The following PTPRT variants were observed in gnomAD, a reference collection of about 807,000 sequenced individuals.
PTPRT encodes the protein receptor-type tyrosine-protein phosphatase T.
PTPRT carries 56 observed loss-of-function variants against 176.8 expected under a neutral mutation model. That is an observed-to-expected ratio of 0.32 (90% CI 0.26 to 0.40). The LOEUF is 0.40. Ranked by LOEUF, PTPRT falls within the 10% of genes least tolerant of loss-of-function variation. The pLI is 1.00. For synonymous variants in PTPRT, 783 were observed against 739.0 expected (o/e 1.06, Z -0.96); for missense variants, 1,540 against 1,908.2 (o/e 0.81, Z 3.60).
intron 13 of PTPRT, among the ~76,000 whole-genome samples, chr20:42,279,891 G>A (rs975321481): frequency 6.6e-6 from 1 of 152,132 alleles, no homozygotes; most frequent in African/African-American, 2.4e-5. Context: ...TTCATCACCA[G>A]AGTACTGGCC....
At chr20:42,515,072 A>G (rs2072035660) in intron 7 of PTPRT, among the ~76,000 whole-genome samples, 1 of 152,188 alleles carries the variant, frequency 6.6e-6, no homozygotes, top group Non-Finnish European at 1.5e-5. Context: ...GGATCTATAG[A>G]TTAGCTTGAG....
At chr20:42,797,913 C>T (rs4812651) in intron 2 of PTPRT, among the ~76,000 whole-genome samples, 61,638 of 152,010 alleles carry the variant, frequency 0.41, 14,367 homozygotes, top group East Asian at 0.53. Context: ...AAACTCTACC[C>T]TAGAGCCTCC....
intron 7 of PTPRT, among the ~76,000 whole-genome samples, chr20:42,598,941 G>A (rs1055846676): frequency 6.6e-6 from 1 of 152,178 alleles, no homozygotes. Flanking sequence ...GAATGAAGAA[G>A]ATACTGGCAG....
Position 42,945,461 on chromosome 20 carries a change from C to A in PTPRT, c.89-59529G>T, listed in dbSNP as rs542926936. ...TGCTGTTTCTCCCGGGACTAATCTG[C>A]CATGAAGCAGATGCAAAGCTTCATT... On this transcript the variant is annotated intron_variant, in intron 1 of 30. Transcript: ENST00000373187. Among the ~76,000 whole-genome samples, 5 of 152,318 alleles carry A rather than the reference C, an allele frequency of 3.3e-5. No individual in the cohort carries two copies. The South Asian group carries it at 8.3e-4, about 25-fold the overall frequency.
At chr20:42,298,349 G>A (rs1319678477) in intron 12 of PTPRT, among the ~76,000 whole-genome samples, 1 of 152,154 alleles carries the variant, frequency 6.6e-6, no homozygotes, top group East Asian at 1.9e-4. Flanking sequence ...CACACAAACT[G>A]TTTACAAGGC....
rs999329337 is a variant in PTPRT at position 43,101,321 on chromosome 20, T to C, written c.88+88325A>G. ...ACAATAGCAAGCTCTTGATCACTTT[T>C]AGCTCACACGCTGGGAATCAGCATA... On this transcript the variant is annotated intron_variant, in intron 1 of 30. Coordinates refer to ENST00000373187, the MANE Select transcript of PTPRT (RefSeq NM_007050.6). 2.6e-5 allele frequency among the ~76,000 whole-genome samples: 4 copies of C among 152,128 alleles called. No homozygotes were observed. The East Asian group carries it at 7.7e-4, about 29-fold the overall frequency.
chr20:42,934,207 G>A (rs1177062226), intron 1 of PTPRT, among the ~76,000 whole-genome samples: 1 of 152,178 alleles, frequency 6.6e-6, no homozygotes, highest in Non-Finnish European at 1.5e-5. Context: ...GTGTCAAATT[G>A]CAGTGCCATG....
chr20:42,148,382 A>G (rs1202291160), intron 17 of PTPRT, among the ~76,000 whole-genome samples: 1 of 151,904 alleles, frequency 6.6e-6, no homozygotes, highest in African/African-American at 2.4e-5. Flanking sequence ...TCTTTTGAGA[A>G]AATTATTGAC....
At chr20:42,902,277 G>C (rs985758609) in intron 1 of PTPRT, among the ~76,000 whole-genome samples, 1 of 152,154 alleles carries the variant, frequency 6.6e-6, no homozygotes, top group Admixed American at 6.5e-5. Flanking sequence ...GCCTCCCCCA[G>C]CAAGTTCCAC....
intron 1 of PTPRT, among the ~76,000 whole-genome samples, chr20:43,013,855 C>A (rs1312889097): frequency 6.6e-6 from 1 of 152,166 alleles, no homozygotes; most frequent in African/African-American, 2.4e-5. Flanking sequence ...TCTTCAATGG[C>A]TTTGTGATCT....
At chr20:42,044,922 CT>C in the PTPRT span, among the ~76,000 whole-genome samples, 1 of 152,204 alleles carries the variant, frequency 6.6e-6, no homozygotes, top group Non-Finnish European at 1.5e-5. Flanking sequence ...CTTTTTCCCA[CT>C]TCTAAAGGCC....
chr20:42,706,771 G>T lies in PTPRT; in HGVS notation c.860-28612C>A, dbSNP rs192638346. On this transcript the variant is annotated intron_variant, in intron 6 of 30. Transcript: ENST00000373187. ...CCTAAAAATACAATTACAGCATATT[G>T]TCATATAATTGTGTCCACCCAAAAG... Among the ~76,000 whole-genome samples the T allele has an allele frequency of 1.6e-3, 240 of 152,230 alleles. 1 individual carries two copies. Among genetic ancestry groups the T allele is most frequent in the African/African-American group, 5.4e-3 (226 of 41,536 alleles).
chr20:42,335,251 A>G (rs1041502528), intron 11 of PTPRT, among the ~76,000 whole-genome samples: 9 of 152,184 alleles, frequency 5.9e-5, no homozygotes, highest in African/African-American at 1.4e-4. Flanking sequence ...ATGGAGAGCT[A>G]TGTGTCTGCC....
At chr20:43,163,374 C>A (rs6016970) in intron 1 of PTPRT, among the ~76,000 whole-genome samples, 1 of 152,206 alleles carries the variant, frequency 6.6e-6, no homozygotes, top group Admixed American at 6.5e-5. Flanking sequence ...CGCGGTGGCT[C>A]GTGACTGTAA....
intron 21 of PTPRT, among the ~76,000 whole-genome samples, 196 bp downstream of exon 21, chr20:42,118,207 G>A (rs1190096204): frequency 6.6e-5 from 10 of 152,190 alleles, no homozygotes; most frequent in Admixed American, 6.5e-4. Flanking sequence ...GAGTGAGGGT[G>A]TAAAAAGGGA....
rs1048087409 is a variant in PTPRT at position 42,615,283 on chromosome 20, T to G, written c.1153+62583A>C. ...ACACGAACTCATCATTTTTTATGGC[T>G]GCATAGTATTCCATGGTGTATATGT... On this transcript the variant is annotated intron_variant, in intron 7 of 30. Coordinates refer to ENST00000373187, the MANE Select transcript of PTPRT (RefSeq NM_007050.6). 3.1e-4 allele frequency among the ~76,000 whole-genome samples: 42 copies of G among 137,506 alleles called. 4 individuals carry two copies. In the South Asian group the frequency reaches 7.2e-3, roughly 24 times the overall value. 90.2% of individuals were successfully genotyped at this position (137,506 alleles called of 152,430 possible).
intron 7 of PTPRT, among the ~76,000 whole-genome samples, chr20:42,632,501 G>C (rs1189351551): frequency 6.6e-6 from 1 of 151,996 alleles, no homozygotes; most frequent in Non-Finnish European, 1.5e-5. Context: ...GGGGTTACAG[G>C]CGTGAGCCAC....
At chr20:43,034,921 C>T (rs1008437104) in intron 1 of PTPRT, among the ~76,000 whole-genome samples, 1 of 151,586 alleles carries the variant, frequency 6.6e-6, no homozygotes, top group Non-Finnish European at 1.5e-5. Flanking sequence ...CCCACCCCCA[C>T]CTTTTCCTCA....
chr20:42,449,931 T>TA (rs976490128), intron 8 of PTPRT, among the ~76,000 whole-genome samples: 1 of 152,158 alleles, frequency 6.6e-6, no homozygotes, highest in Admixed American at 6.6e-5. Flanking sequence ...AAAATTTTAT[T>TA]AAAAAAAGAT....
Sources: allele counts gnomAD v4.1 joint callset (sites outside exome capture counted in the v4.1 genomes callset), GRCh38; gene constraint gnomAD v4.1.1; transcripts MANE v1.5; gene names NCBI Gene and HGNC (gene_info 2026-07-23, HGNC 2026-07-21).